The following FRMD4A variants were observed in gnomAD, a reference collection of about 807,000 sequenced individuals.
The protein encoded by FRMD4A is FERM domain containing 4A.
In FRMD4A, 29 loss-of-function variants were observed where a neutral mutation model predicts 129.1. The ratio of observed to expected loss-of-function variants is 0.22; its 90% confidence interval spans 0.17 to 0.31. The LOEUF (loss-of-function observed/expected upper bound fraction) is 0.31, where lower values mean the gene tolerates loss of function less well. FRMD4A is among the 10% of genes least tolerant of loss of function. FRMD4A has a pLI of 1.00. For missense variants in FRMD4A, 1,272 were observed against 1,375.8 expected (o/e 0.92, Z 1.19); for synonymous variants, 634 against 571.6 (o/e 1.11, Z -1.56).
At chr10:14,140,045 C>A (rs576741002) in intron 2 of FRMD4A, among the ~76,000 whole-genome samples, 5 of 151,998 alleles carry the variant, frequency 3.3e-5, no homozygotes, top group African/African-American at 4.8e-5. Context: ...GAGGAAAATG[C>A]ATTTTATTGT....
At chr10:13,935,002 C>T (rs969115773) in intron 2 of FRMD4A, among the ~76,000 whole-genome samples, 6 of 152,210 alleles carry the variant, frequency 3.9e-5, no homozygotes, top group Non-Finnish European at 5.9e-5. Context: ...AAGGGTAAGG[C>T]GGCTCTCTAG....
In FRMD4A at chr10:13,897,930, C is replaced by T. The variant is rs544165764; in HGVS notation, c.46-39018G>A. 8.5e-5 allele frequency among the ~76,000 whole-genome samples: 8 copies of T among 94,018 alleles called. No homozygotes were observed. In the South Asian group the frequency reaches 3.8e-3, roughly 44 times the overall value. 61.7% of individuals were successfully genotyped at this position (94,018 alleles called of 152,430 possible). On this transcript the variant is annotated intron_variant, in intron 2 of 24. Coordinates refer to ENST00000357447, the MANE Select transcript of FRMD4A (RefSeq NM_018027.5). ...CCAGCCTGGGTGACAGACAGAGACT[C>T]CGACTCAAAAAAAAAAAAAAAAAAA...
intron 2 of FRMD4A, among the ~76,000 whole-genome samples, chr10:14,211,871 G>C (rs1842941758): frequency 1.3e-5 from 2 of 152,188 alleles, no homozygotes; most frequent in African/African-American, 2.4e-5. Flanking sequence ...GCTGCCATGA[G>C]AGAGATTTAA....
intron 3 of FRMD4A, among the ~76,000 whole-genome samples, chr10:13,814,907 G>A (rs780230931): frequency 6.6e-6 from 1 of 152,054 alleles, no homozygotes; most frequent in Non-Finnish European, 1.5e-5. Context: ...AACCCAGGAA[G>A]CAAACGTGAT....
chr10:13,817,145 G>C (rs2093557327), intron 3 of FRMD4A, among the ~76,000 whole-genome samples: 1 of 152,160 alleles, frequency 6.6e-6, no homozygotes, highest in Admixed American at 6.6e-5. Flanking sequence ...GAGCTAATAG[G>C]ACAGTCTTTC....
chr10:13,786,546 C>T (rs1216243966), intron 5 of FRMD4A, among the ~76,000 whole-genome samples: 1 of 152,162 alleles, frequency 6.6e-6, no homozygotes, highest in Non-Finnish European at 1.5e-5. Flanking sequence ...GCGGAGGTTG[C>T]AGTCAGCTGA....
At chr10:13,752,071 C>T (rs1015653456) in intron 8 of FRMD4A, among the ~76,000 whole-genome samples, 3 of 152,128 alleles carry the variant, frequency 2.0e-5, no homozygotes, top group Admixed American at 6.5e-5. Context: ...TCTTGAAAAG[C>T]CAGTTGCTAA....
chr10:13,694,234 G>A (rs1005457914), intron 14 of FRMD4A, among the ~76,000 whole-genome samples, 195 bp from the exon 15 acceptor site: 2 of 152,248 alleles, frequency 1.3e-5, no homozygotes, highest in African/African-American at 4.8e-5. Context: ...AGCAGAGGCA[G>A]CTCAAGAGCT....
intron 2 of FRMD4A, among the ~76,000 whole-genome samples, chr10:14,119,445 C>T (rs1285144370): frequency 6.6e-6 from 1 of 152,170 alleles, no homozygotes; most frequent in East Asian, 1.9e-4. Context: ...ATAACGTTCC[C>T]CTTCCTAAGA....
intron 3 of FRMD4A, among the ~76,000 whole-genome samples, chr10:13,817,377 T>A (rs1234417291): frequency 6.6e-6 from 1 of 152,362 alleles, no homozygotes; most frequent in Middle Eastern, 3.4e-3. Flanking sequence ...TCCTGACTAC[T>A]TCCTGGCCTG....
chr10:13,974,998 T>C (rs1404603812), intron 2 of FRMD4A, among the ~76,000 whole-genome samples: 1 of 138,736 alleles, frequency 7.2e-6, no homozygotes, highest in Non-Finnish European at 1.7e-5. Flanking sequence ...TGTGTGTGTC[T>C]GTGTGAGTGC....
chr10:13,753,101 CTG>C (rs2091704140), intron 8 of FRMD4A, among the ~76,000 whole-genome samples: 1 of 152,222 alleles, frequency 6.6e-6, no homozygotes, highest in Non-Finnish European at 1.5e-5. Context: ...ACCTAGAAAA[CTG>C]AGACAGATTA....
intron 2 of FRMD4A, among the ~76,000 whole-genome samples, chr10:14,037,424 G>A (rs1259499109): frequency 6.6e-6 from 1 of 152,128 alleles, no homozygotes; most frequent in Admixed American, 6.5e-5. Flanking sequence ...TGCCATGTTG[G>A]CCAGGCTGGT....
chr10:13,819,085 A>G (rs2093590438), intron 3 of FRMD4A, among the ~76,000 whole-genome samples: 1 of 152,054 alleles, frequency 6.6e-6, no homozygotes, highest in African/African-American at 2.4e-5. Flanking sequence ...CCGAGATCGC[A>G]CCACTACCCT....
At position 13,955,125 on chromosome 10, in the gene FRMD4A, T is replaced by TTTTTTTTTTG. The variant is rs2095402289; in HGVS notation, c.46-96214_46-96213insCAAAAAAAAA. 1.4e-5 allele frequency among the ~76,000 whole-genome samples: 2 copies of TTTTTTTTTTG among 147,696 alleles called. 1 individual carries two copies. The highest frequency in any genetic ancestry group is 1.4e-4 in the Admixed American group (2 of 14,672). ...TTAATAATTCTGCTTTTTTTTTTTT[T>TTTTTTTTTTG]GAGACGGAGTATCACTCTGTCACCC... On this transcript the variant is annotated intron_variant, in intron 2 of 24. Coordinates refer to ENST00000357447, the MANE Select transcript of FRMD4A (RefSeq NM_018027.5).
intron 2 of FRMD4A, among the ~76,000 whole-genome samples, chr10:14,027,305 T>C (rs2131656299): frequency 6.6e-6 from 1 of 152,370 alleles, no homozygotes; most frequent in East Asian, 1.9e-4. Flanking sequence ...ACCATGACTT[T>C]ATGTGACTAT....
intron 2 of FRMD4A, 24 bp downstream of exon 2, chr10:14,330,034 C>T (rs1843454888): frequency 6.4e-6 from 10 of 1,551,350 alleles, no homozygotes; most frequent in Non-Finnish European, 8.7e-6. Flanking sequence ...CTGCCCGGGC[C>T]CCACCTCCTG....
At chr10:14,227,716 G>A (rs531457186) in intron 2 of FRMD4A, among the ~76,000 whole-genome samples, 3 of 152,202 alleles carry the variant, frequency 2.0e-5, no homozygotes, top group African/African-American at 7.2e-5. Context: ...TCACTAGACT[G>A]GAAGCTCTAG....
At chr10:14,183,263 C>T (rs1456016040) in intron 2 of FRMD4A, among the ~76,000 whole-genome samples, 1 of 152,204 alleles carries the variant, frequency 6.6e-6, no homozygotes, top group Non-Finnish European at 1.5e-5. Context: ...AGACAGAGTT[C>T]ACTTTATATC....
Sources: allele counts gnomAD v4.1 joint callset (sites outside exome capture counted in the v4.1 genomes callset), GRCh38; gene constraint gnomAD v4.1.1; transcripts MANE v1.5; gene names NCBI Gene and HGNC (gene_info 2026-07-23, HGNC 2026-07-21).